The following POLD3 variants were observed in gnomAD, a reference collection of about 807,000 sequenced individuals.
POLD3 encodes DNA polymerase delta 3, accessory subunit.
In POLD3, 19 loss-of-function variants were observed where a neutral mutation model predicts 58.2. That is an observed-to-expected ratio of 0.33 (90% CI 0.23 to 0.48). The LOEUF (loss-of-function observed/expected upper bound fraction) is 0.48. Ranked by LOEUF, POLD3 falls within the 20% of genes least tolerant of loss-of-function variation. The pLI is 0.99. For synonymous variants in POLD3, 172 were observed against 193.5 expected (o/e 0.89, Z 0.92); for missense variants, 504 against 545.5 (o/e 0.92, Z 0.76).
At chr11:74,665,291 C>T (rs2033253735) in intron 4 of POLD3, among the ~76,000 whole-genome samples, 1 of 145,366 alleles carries the variant, frequency 6.9e-6, no homozygotes, top group Admixed American at 6.8e-5. Flanking sequence ...GCCACTGCAC[C>T]CCAGCCTAGG....
intron 7 of POLD3, among the ~76,000 whole-genome samples, chr11:74,622,125 GT>G (rs1565121163): frequency 6.6e-6 from 1 of 151,372 alleles, no homozygotes; most frequent in African/African-American, 2.4e-5. Flanking sequence ...GCGGTGTTTG[GT>G]TTTTTGTTCT....
At chr11:74,600,039 G>T (rs2031432170) in intron 2 of POLD3, among the ~76,000 whole-genome samples, 1 of 151,150 alleles carries the variant, frequency 6.6e-6, no homozygotes, top group African/African-American at 2.4e-5. Context: ...TCCGCCTTTA[G>T]AATTCAAGCA....
chr11:74,592,829 A>G (rs2031082131), intron 1 of POLD3, 111 bp downstream of exon 1: 1 of 1,532,954 alleles, frequency 6.5e-7, no homozygotes, highest in Non-Finnish European at 8.8e-7. Context: ...GGACCAGGGG[A>G]GACAGGTCCC....
intron 4 of POLD3, among the ~76,000 whole-genome samples, chr11:74,651,068 C>T (rs1352268066): frequency 2.6e-5 from 4 of 152,210 alleles, no homozygotes; most frequent in Non-Finnish European, 5.9e-5. Flanking sequence ...CTCTTCATGG[C>T]ACTTATCACT....
rs557148225 is a variant in POLD3, at chr11:74,636,096, A to T, written c.1120-101A>T. On this transcript the variant is annotated intron_variant, in intron 10 of 11. Coordinates refer to ENST00000263681, the MANE Select transcript of POLD3 (RefSeq NM_006591.3). ...GTTTCTCTTTCAACTTTTTATCATA[A>T]TGGAGTATTGGAGAGTGATTAGTAT... The T allele has an allele frequency of 1.0e-5, 11 of 1,082,110 alleles. No homozygotes were observed. In the South Asian group the frequency reaches 1.8e-4, roughly 17 times the overall value. The allele number at this position is 1,082,110 out of a possible 1,614,324, so 67.0% of individuals were successfully genotyped here. A position where few individuals can be genotyped will look rare whatever the true frequency, so the allele number is the denominator to read the frequency against.
At chr11:74,649,171 C>A (rs1436157784) in intron 4 of POLD3, among the ~76,000 whole-genome samples, 1 of 152,204 alleles carries the variant, frequency 6.6e-6, no homozygotes, top group Non-Finnish European at 1.5e-5. Flanking sequence ...CCCTGGAATT[C>A]TTTGGGTCAA....
At chr11:74,655,086 C>T (rs757707531) in intron 4 of POLD3, among the ~76,000 whole-genome samples, 1 of 152,226 alleles carries the variant, frequency 6.6e-6, no homozygotes, top group Non-Finnish European at 1.5e-5. Context: ...AATGCCGAGG[C>T]AGACTTGTGA....
chr11:74,654,725 C>T (rs144757294), intron 4 of POLD3, among the ~76,000 whole-genome samples: 98 of 152,262 alleles, frequency 6.4e-4, no homozygotes, highest in African/African-American at 1.9e-3. Context: ...AGACAAATCA[C>T]GAAAACCTGC....
At chr11:74,603,104 C>T (rs1019965754) in intron 2 of POLD3, among the ~76,000 whole-genome samples, 16 of 152,166 alleles carry the variant, frequency 1.1e-4, no homozygotes, top group Admixed American at 6.5e-4. Flanking sequence ...AATGTAAGCT[C>T]TAAGAGTGGA....
intron 1 of POLD3, among the ~76,000 whole-genome samples, chr11:74,593,301 A>G (rs1419598668): frequency 1.3e-5 from 2 of 152,188 alleles, no homozygotes; most frequent in African/African-American, 4.8e-5. Context: ...ACCCCATCCC[A>G]GGTCGGTGGT....
chr11:74,612,896 C>G lies in POLD3; in HGVS notation c.278C>G (p.Ala93Gly). Residue 93 changes from alanine (A) to glycine (G), a missense_variant, in exon 5 of 12, where the codon GCT becomes GGT. By Grantham distance (60) the Ala-to-Gly change is moderately conservative. Around this residue, in one of 2 missense-constraint regions of POLD3, gnomAD observed 119 missense variants for 175.0 expected, o/e 0.68. Transcript: ENST00000263681. ...DKLEAVKSKL[A>G]VTASIHVYSI... ...CTTGTAGCAGTGAAGTCCAAGCTAGCTGTGACTGCCAGCATCCATGTGTAC... is the reference window on the plus strand; with the variant it reads ...CTTGTAGCAGTGAAGTCCAAGCTAGGTGTGACTGCCAGCATCCATGTGTAC... 1 of 1,612,934 alleles carries G rather than the reference C, an allele frequency of 6.2e-7. No individual in the cohort carries two copies. Among genetic ancestry groups the G allele is most frequent in the East Asian group, 2.2e-5 (1 of 44,866 alleles).
chr11:74,653,778 A>G (rs2033098258), intron 4 of POLD3, among the ~76,000 whole-genome samples: 1 of 152,164 alleles, frequency 6.6e-6, no homozygotes, highest in Non-Finnish European at 1.5e-5. Flanking sequence ...AATGGATACA[A>G]ATATGCTGTG....
intron 2 of POLD3, among the ~76,000 whole-genome samples, chr11:74,603,825 A>G (rs1395315421): frequency 6.6e-6 from 1 of 152,212 alleles, no homozygotes; most frequent in African/African-American, 2.4e-5. Context: ...GAAGTATATT[A>G]TAGACAGATT....
At chr11:74,665,112 T>A (rs991489377) in intron 4 of POLD3, among the ~76,000 whole-genome samples, 1 of 143,526 alleles carries the variant, frequency 7.0e-6, no homozygotes, top group African/African-American at 2.6e-5. Context: ...AAAATAAAAA[T>A]AAAAATAAAA....
At chr11:74,664,690 A>G (rs2033245116) in intron 4 of POLD3, among the ~76,000 whole-genome samples, 1 of 152,254 alleles carries the variant, frequency 6.6e-6, no homozygotes, top group South Asian at 2.1e-4. Flanking sequence ...ATTTTGCACC[A>G]TAAGCAAGAG....
rs148419916 is a variant in POLD3 at position 74,618,564 on chromosome 11, C to T, written c.420C>T (p.Ala140=). Residue 140 remains alanine (A), a synonymous_variant, in exon 6 of 12, where the codon GCC becomes GCT. Coordinates refer to ENST00000263681, the MANE Select transcript of POLD3 (RefSeq NM_006591.3). ...TTAGTGCTATACAATGTGCAGCTGC[C>T]GTCCCTAGAGCTCCTGCTGAATCCT... ...SKFSAIQCAA[A]VPRAPAESSS... The T allele has an allele frequency of 1.2e-5, 20 of 1,613,074 alleles. No individual in the cohort carries two copies. Among genetic ancestry groups the T allele is most frequent in the African/African-American group, 5.3e-5 (4 of 74,972 alleles).
chr11:74,623,886 G>A (rs1044306794), intron 7 of POLD3, among the ~76,000 whole-genome samples: 2 of 152,268 alleles, frequency 1.3e-5, no homozygotes, highest in African/African-American at 4.8e-5. Context: ...ATTGGTAGCT[G>A]CATATATGTT....
chr11:74,663,480 G>A (rs115297823), intron 4 of POLD3, among the ~76,000 whole-genome samples: 2,160 of 152,264 alleles, frequency 0.014, 71 homozygotes, highest in African/African-American at 0.049. Context: ...TTACAGTAGT[G>A]CCACAGTAGT....
chr11:74,617,905 G>A (rs753480998), intron 5 of POLD3, among the ~76,000 whole-genome samples: 1 of 152,060 alleles, frequency 6.6e-6, no homozygotes, highest in Non-Finnish European at 1.5e-5. Context: ...TTTTTGTAGA[G>A]ACAAGGTTTC....
Sources: allele counts gnomAD v4.1 joint callset (sites outside exome capture counted in the v4.1 genomes callset), GRCh38; gene constraint gnomAD v4.1.1; regional missense constraint gnomAD v4.1.1; transcripts MANE v1.5; gene names NCBI Gene and HGNC (gene_info 2026-07-23, HGNC 2026-07-21).